The following UNC13C variants were observed in gnomAD, a reference collection of about 807,000 sequenced individuals.
UNC13C encodes the protein unc-13 homolog C, also known as protein unc-13 homolog C.
Under a neutral mutation model 245.4 loss-of-function variants are expected in UNC13C, and 174 were observed. That is an observed-to-expected ratio of 0.71 (90% CI 0.63 to 0.80). UNC13C has a LOEUF of 0.80. Among genes scored for constraint, UNC13C ranks in the 30% least tolerant of loss-of-function variants. The pLI is 0.00. For missense variants in UNC13C, 2,829 were observed against 2,602.9 expected (o/e 1.09, Z -1.89); for synonymous variants, 992 against 895.1 (o/e 1.11, Z -1.93).
chr15:54,141,585 A>G (rs1255426048), intron 2 of UNC13C, among the ~76,000 whole-genome samples: 1 of 152,112 alleles, frequency 6.6e-6, no homozygotes, highest in Non-Finnish European at 1.5e-5. Flanking sequence ...TTTGCTCCCT[A>G]TGAAAATTAA....
chr15:54,065,261 G>A (rs1316382593), intron 2 of UNC13C, among the ~76,000 whole-genome samples: 2 of 152,192 alleles, frequency 1.3e-5, no homozygotes, highest in South Asian at 2.1e-4. Context: ...GCCAGCTACA[G>A]GACTTCTGCT....
chr15:54,063,714 G>C (rs1478293106), intron 2 of UNC13C, among the ~76,000 whole-genome samples: 1 of 152,130 alleles, frequency 6.6e-6, no homozygotes, highest in African/African-American at 2.4e-5. Context: ...AAAATGACTA[G>C]TCTTTGTGCT....
intron 13 of UNC13C, among the ~76,000 whole-genome samples, chr15:54,308,970 G>T (rs1004670380): frequency 6.6e-6 from 1 of 151,770 alleles, no homozygotes; most frequent in African/African-American, 2.4e-5. Flanking sequence ...ATAAATATGG[G>T]TGTGCGGATA....
At chr15:54,444,427 A>G (rs1890695293) in intron 19 of UNC13C, among the ~76,000 whole-genome samples, 1 of 151,946 alleles carries the variant, frequency 6.6e-6, no homozygotes, top group East Asian at 1.9e-4. Flanking sequence ...GATAACAGGA[A>G]AAGTGATCTT....
intron 19 of UNC13C, among the ~76,000 whole-genome samples, chr15:54,436,464 C>T (rs1384942776): frequency 6.6e-6 from 1 of 151,916 alleles, no homozygotes; most frequent in African/African-American, 2.4e-5. Flanking sequence ...CATACTACAC[C>T]ATAGAATACT....
intron 4 of UNC13C, among the ~76,000 whole-genome samples, chr15:54,187,875 T>C (rs1440000977): frequency 1.3e-5 from 2 of 152,136 alleles, no homozygotes; most frequent in African/African-American, 4.8e-5. Context: ...AGTGGCACAA[T>C]TTTGGCTCAC....
intron 30 of UNC13C, among the ~76,000 whole-genome samples, chr15:54,574,393 C>T (rs956151168): frequency 5.3e-5 from 8 of 152,096 alleles, no homozygotes; most frequent in African/African-American, 1.9e-4. Flanking sequence ...ATCTTGATTA[C>T]AATGTTACTA....
upstream of UNC13C, among the ~76,000 whole-genome samples, chr15:53,973,609 A>G (rs1211275076): frequency 6.6e-6 from 1 of 151,248 alleles, no homozygotes; most frequent in Non-Finnish European, 1.5e-5. Flanking sequence ...CAAAAAGTGG[A>G]AAAAAAATTT....
intron 4 of UNC13C, among the ~76,000 whole-genome samples, chr15:54,212,532 C>T (rs1264550864): frequency 1.3e-5 from 2 of 151,800 alleles, no homozygotes. Context: ...AAAATATGTA[C>T]ACAATACCGT....
intron 4 of UNC13C, among the ~76,000 whole-genome samples, chr15:54,148,142 T>C (rs1375247304): frequency 6.6e-6 from 1 of 152,126 alleles, no homozygotes; most frequent in Non-Finnish European, 1.5e-5. Flanking sequence ...AGAGACACTG[T>C]TGAAGGAAAG....
chr15:54,215,426 T>G (rs1372503382), intron 4 of UNC13C, among the ~76,000 whole-genome samples: 1 of 151,884 alleles, frequency 6.6e-6, no homozygotes, highest in Admixed American at 6.6e-5. Flanking sequence ...TTTGAAAACT[T>G]TAAAAAATGG....
the UNC13C span, among the ~76,000 whole-genome samples, chr15:53,844,556 T>A: frequency 2.0e-5 from 3 of 152,104 alleles, no homozygotes; most frequent in African/African-American, 7.2e-5. Flanking sequence ...TGCACTCTCA[T>A]ATAGCCTGGA....
intron 18 of UNC13C, among the ~76,000 whole-genome samples, chr15:54,402,945 C>A (rs746111676): frequency 9.2e-5 from 14 of 152,066 alleles, no homozygotes; most frequent in Non-Finnish European, 1.6e-4. Context: ...TTCATGAGAC[C>A]ATATCAGGAT....
intron 4 of UNC13C, among the ~76,000 whole-genome samples, chr15:54,197,163 C>G (rs910574704): frequency 1.3e-5 from 2 of 152,100 alleles, no homozygotes; most frequent in East Asian, 3.9e-4. Flanking sequence ...AAAGAAACTT[C>G]AAACAAATTA....
intron 13 of UNC13C, among the ~76,000 whole-genome samples, chr15:54,306,063 C>G (rs2037716802): frequency 6.6e-6 from 1 of 151,960 alleles, no homozygotes; most frequent in African/African-American, 2.4e-5. Context: ...GAATTTTTCT[C>G]TTGTGAATTT....
At chr15:54,521,223 AT>A (rs937258253) in intron 24 of UNC13C, among the ~76,000 whole-genome samples, 1 of 152,138 alleles carries the variant, frequency 6.6e-6, no homozygotes, top group Non-Finnish European at 1.5e-5. Flanking sequence ...TAATGATTAA[AT>A]TTTGGCCCCT....
chr15:54,127,569 T>C (rs1266347839), intron 2 of UNC13C, among the ~76,000 whole-genome samples: 1 of 151,522 alleles, frequency 6.6e-6, no homozygotes, highest in Admixed American at 6.6e-5. Flanking sequence ...AGTGGGGGAC[T>C]AGGGAAGGGA....
At chr15:54,274,034 C>T (rs918925697) in intron 10 of UNC13C, among the ~76,000 whole-genome samples, 1 of 152,096 alleles carries the variant, frequency 6.6e-6, no homozygotes, top group Non-Finnish European at 1.5e-5. Context: ...GTTACAGACA[C>T]TGAGGTAAAT....
chr15:54,596,675 G>A (rs900574214), intron 30 of UNC13C, among the ~76,000 whole-genome samples: 2 of 152,170 alleles, frequency 1.3e-5, no homozygotes, highest in African/African-American at 4.8e-5. Flanking sequence ...TCTAGTGGGA[G>A]GTGTTTGGGT....
Sources: allele counts gnomAD v4.1 joint callset (sites outside exome capture counted in the v4.1 genomes callset), GRCh38; gene constraint gnomAD v4.1.1; transcripts MANE v1.5; gene names NCBI Gene and HGNC (gene_info 2026-07-23, HGNC 2026-07-21).